The following FRAS1 variants were observed in gnomAD, a reference collection of about 807,000 sequenced individuals.
The protein encoded by FRAS1 is Fraser extracellular matrix complex subunit 1.
A neutral mutation model predicts 435.2 loss-of-function variants in FRAS1; 290 were observed. That is an observed-to-expected ratio of 0.67 (90% CI 0.61 to 0.73). The LOEUF (loss-of-function observed/expected upper bound fraction) is 0.73, where lower values mean the gene tolerates loss of function less well. FRAS1 is among the 30% of genes least tolerant of loss of function. The pLI is 0.00. For synonymous variants in FRAS1, 1,800 were observed against 1,851.0 expected (o/e 0.97, Z 0.71); for missense variants, 4,860 against 5,001.5 (o/e 0.97, Z 0.85).
Position 78,478,039 on chromosome 4 carries a change from G to C in FRAS1, c.8076G>C (p.Leu2692=). The stretch of plus-strand genomic sequence containing the variant: ...GGGTTAACGAGAGCGCTGGTTTTCT[G>C]TTTGCACCTATTGAAAGAAAAGGTC... ...IYWVNESAGF[L]FAPIERKGDA... is the part of the protein sequence containing the mutation. Residue 2692 remains leucine, a synonymous_variant, in exon 55 of 74, where the codon CTG becomes CTC. Coordinates refer to ENST00000512123, the MANE Select transcript of FRAS1 (RefSeq NM_025074.7). The C allele has an allele frequency of 6.3e-7, 1 of 1,575,402 alleles. No homozygotes were observed. The highest frequency in any genetic ancestry group is 1.3e-5 in the African/African-American group (1 of 74,262).
rs1370045786 is a variant in FRAS1 at position 78,247,941 on chromosome 4, T to A, written c.309+2616T>A. Among the ~76,000 whole-genome samples the A allele has an allele frequency of 3.3e-5, 5 of 152,154 alleles. 1 individual carries two copies. In the East Asian group the frequency reaches 9.7e-4, roughly 29 times the overall value. On this transcript the variant is annotated intron_variant, in intron 4 of 73. Transcript: ENST00000512123. ...AGGGGAGGCAGTTGAAGTGATACTG[T>A]CCCCGGAGAATATGGTTCAAATAAA...
intron 70 of FRAS1, among the ~76,000 whole-genome samples, chr4:78,529,100 T>C (rs901499357): frequency 2.0e-5 from 3 of 151,978 alleles, no homozygotes; most frequent in Admixed American, 2.0e-4. Flanking sequence ...GAACAAGCTG[T>C]TTGGAGGTGA....
intron 2 of FRAS1, among the ~76,000 whole-genome samples, chr4:78,125,513 T>C (rs1719296280): frequency 6.6e-6 from 1 of 152,212 alleles, no homozygotes; most frequent in Non-Finnish European, 1.5e-5. Context: ...GTCAGCTTGG[T>C]CCAGAGCTGA....
At chr4:78,453,329 A>C (rs1719084186) in intron 47 of FRAS1, among the ~76,000 whole-genome samples, 2 of 152,202 alleles carry the variant, frequency 1.3e-5, no homozygotes, top group African/African-American at 4.8e-5. Flanking sequence ...CACCTAGAGC[A>C]GCAGCCATGA....
chr4:78,230,592 C>T (rs1035324325), intron 2 of FRAS1, among the ~76,000 whole-genome samples: 11 of 152,084 alleles, frequency 7.2e-5, no homozygotes, highest in Admixed American at 2.6e-4. Flanking sequence ...TTTCTGTGTC[C>T]GAATGGGAGC....
At chr4:78,374,017 A>T in intron 24 of FRAS1, 94 bp from the exon 25 acceptor site, 1 of 1,256,984 alleles carries the variant, frequency 8.0e-7, no homozygotes, top group Non-Finnish European at 1.1e-6. Context: ...ACTAGGCTGT[A>T]CTGCTGCTGG....
intron 73 of FRAS1, among the ~76,000 whole-genome samples, chr4:78,540,291 T>C (rs886924728): frequency 6.6e-6 from 1 of 152,196 alleles, no homozygotes; most frequent in African/African-American, 2.4e-5. Flanking sequence ...GGCTATTCCA[T>C]GTACACATAG....
At chr4:78,247,785 C>T (rs964450461) in intron 4 of FRAS1, among the ~76,000 whole-genome samples, 9 of 152,194 alleles carry the variant, frequency 5.9e-5, no homozygotes, top group East Asian at 1.9e-4. Flanking sequence ...TCCCCTAGGG[C>T]GGGTAATGGA....
chr4:78,305,857 T>C (rs1226345744), intron 14 of FRAS1, among the ~76,000 whole-genome samples: 1 of 151,742 alleles, frequency 6.6e-6, no homozygotes, highest in Non-Finnish European at 1.5e-5. Context: ...ATTTAGTCCA[T>C]TTACATTTAA....
In FRAS1 at chr4:78,372,721, G is replaced by A. The variant is rs1731563495; in HGVS notation, c.2873G>A (p.Cys958Tyr). 2 of 1,612,366 alleles carry A rather than the reference G, an allele frequency of 1.2e-6. No individual in the cohort carries two copies. Among genetic ancestry groups the A allele is most frequent in the Admixed American group, 1.7e-5 (1 of 60,000 alleles). Reference protein sequence around the residue: ...LDFSTNTCKECDWSCSACSGP... With the variant: ...LDFSTNTCKEYDWSCSACSGP... ...CTAATGCAGACTTTCTTTTTAGAGT[G>A]TGATTGGAGCTGCAGTGCATGCAGT... The change falls in exon 24 of 74, where the codon TGT becomes TAT. Residue 958 changes from cysteine (C) to tyrosine (Y), a missense_variant. By Grantham distance (194) the Cys-to-Tyr change is radical (BLOSUM62 -2). Transcript: ENST00000512123.
At chr4:78,297,977 T>C (rs1008787168) in intron 14 of FRAS1, among the ~76,000 whole-genome samples, 6 of 149,364 alleles carry the variant, frequency 4.0e-5, no homozygotes, top group Non-Finnish European at 8.9e-5. Flanking sequence ...GGTAACTATA[T>C]GGGAAGATGG....
intron 2 of FRAS1, among the ~76,000 whole-genome samples, chr4:78,085,817 A>T (rs546726403): frequency 7.2e-5 from 11 of 152,266 alleles, no homozygotes; most frequent in East Asian, 1.9e-4. Context: ...CTCCCACACA[A>T]TAATAATGGG....
At chr4:78,181,488 A>C (rs1377599736) in intron 2 of FRAS1, 3 of 1,611,570 alleles carry the variant, frequency 1.9e-6, no homozygotes, top group Non-Finnish European at 2.5e-6. Flanking sequence ...TTGCCACGAG[A>C]ATCAAATCCA....
Position 78,417,538 on chromosome 4 carries a change from A to G in FRAS1, c.4426-1411A>G, listed in dbSNP as rs957803946. Among the ~76,000 whole-genome samples the G allele has an allele frequency of 2.6e-5, 4 of 152,194 alleles. No homozygotes were observed. The East Asian group carries it at 7.7e-4, about 29-fold the overall frequency. On this transcript the variant is annotated intron_variant, in intron 32 of 73. Coordinates refer to ENST00000512123, the MANE Select transcript of FRAS1 (RefSeq NM_025074.7). ...AATTTGTTGTCCTTACTTGTTTTAT[A>G]TTAGGGTGAGAGACCAGCTGCTATT...
intron 29 of FRAS1, among the ~76,000 whole-genome samples, chr4:78,395,739 A>G (rs1388228674): frequency 6.6e-6 from 1 of 151,988 alleles, no homozygotes; most frequent in Non-Finnish European, 1.5e-5. Context: ...TTCAGCCTAT[A>G]TGTCTCCCTA....
chr4:78,526,544 G>A lies in FRAS1; in HGVS notation c.10812G>A (p.Lys3604=), dbSNP rs1237600542. The A allele has an allele frequency of 3.2e-6, 5 of 1,583,820 alleles. No individual in the cohort carries two copies. The African/African-American group carries it at 4.0e-5, about 13-fold the overall frequency. The change falls in exon 70 of 74, where the codon AAG becomes AAA. Residue 3604 remains lysine (K), a synonymous_variant. Coordinates refer to ENST00000512123, the MANE Select transcript of FRAS1 (RefSeq NM_025074.7). ...AGTCTGCTCTGCATGTTTCCAGGAA[G>A]GACTACTCAGGAGAGTACACCATCT... is the stretch of plus-strand genomic sequence containing the variant. ...LWRATSSYNR[K]DYSGEYTIYL... is the part of the protein sequence containing the mutation.
intron 12 of FRAS1, among the ~76,000 whole-genome samples, 167 bp from the exon 13 acceptor site, chr4:78,284,229 ATTTTTTTTT>A (rs11453256): frequency 2.5e-5 from 2 of 80,818 alleles, no homozygotes; most frequent in East Asian, 3.8e-4. Flanking sequence ...ATTGGAATGT[ATTTTTTTTT>A]TTTTTTTTTT....
rs141538356 is a variant in FRAS1, at chr4:78,114,720, G to A, written c.108+48704G>A. Among the ~76,000 whole-genome samples the A allele has an allele frequency of 5.9e-5, 9 of 152,378 alleles. No individual in the cohort carries two copies. The East Asian group carries it at 1.7e-3, about 29-fold the overall frequency. On this transcript the variant is annotated intron_variant, in intron 2 of 73. Transcript: ENST00000512123. ...CTGAAGTTGCCTGTCAGCTTAAGGAGATTTTGGGCTGATACGATGGGGTTT... is the reference window on the plus strand; with the variant it reads ...CTGAAGTTGCCTGTCAGCTTAAGGAAATTTTGGGCTGATACGATGGGGTTT...
intron 2 of FRAS1, among the ~76,000 whole-genome samples, chr4:78,154,607 T>A (rs888457776): frequency 1.3e-5 from 2 of 152,198 alleles, no homozygotes; most frequent in Non-Finnish European, 2.9e-5. Flanking sequence ...CAGAAAGTGT[T>A]ACGTTTCTTT....
Sources: gnomAD v4.1 joint callset for allele counts (sites outside exome capture counted in the v4.1 genomes callset) on GRCh38, gnomAD v4.1.1 for gene constraint, MANE v1.5 for transcripts, NCBI Gene and HGNC (gene_info 2026-07-23, HGNC 2026-07-21) for gene names.